Variants in TLN2 observed in about 807,000 individuals in gnomAD.
TLN2 encodes talin-2.
A neutral mutation model predicts 294.7 loss-of-function variants in TLN2; 118 were observed. The observed-to-expected ratio is 0.40, with a 90% CI of 0.34 to 0.47. The LOEUF is 0.47. Among genes scored for constraint, TLN2 ranks in the 20% least tolerant of loss-of-function variants. TLN2 has a pLI of 0.84. For missense variants in TLN2, 3,083 were observed against 3,282.2 expected (o/e 0.94, Z 1.48); for synonymous variants, 1,431 against 1,304.5 (o/e 1.10, Z -2.09).
chr15:62,465,564 G>T lies in TLN2; in HGVS notation c.-238+74879G>T, dbSNP rs74682346. On this transcript the variant is annotated intron_variant, in intron 1 of 58. Coordinates refer to ENST00000636159, the MANE Select transcript of TLN2 (RefSeq NM_015059.3). ...AGGGGTTTAGCCTCTCAGCTAAGTT[G>T]TTGTCTTCCATGGAGCTGTGTAAAC... 2.0e-5 allele frequency among the ~76,000 whole-genome samples: 3 copies of T among 152,206 alleles called. No individual in the cohort carries two copies. The South Asian group carries it at 6.2e-4, about 31-fold the overall frequency.
chr15:62,658,575 G>A (rs887822557), intron 9 of TLN2, among the ~76,000 whole-genome samples: 5 of 152,166 alleles, frequency 3.3e-5, no homozygotes, highest in Non-Finnish European at 7.3e-5. Flanking sequence ...ACAAGGTGAC[G>A]CCGTGTCCTG....
intron 41 of TLN2, among the ~76,000 whole-genome samples, chr15:62,768,358 C>CT (rs1393922634): frequency 6.6e-6 from 1 of 152,236 alleles, no homozygotes; most frequent in Non-Finnish European, 1.5e-5. Context: ...CACTCCTTGA[C>CT]TGTCGCGCTG....
At chr15:62,405,743 G>A (rs1448705636) in intron 1 of TLN2, among the ~76,000 whole-genome samples, 1 of 152,188 alleles carries the variant, frequency 6.6e-6, no homozygotes, top group Non-Finnish European at 1.5e-5. Context: ...GCTGGCCTGA[G>A]TGCTGCTCTG....
At chr15:62,570,762 A>G (rs1255572437) in intron 1 of TLN2, among the ~76,000 whole-genome samples, 1 of 152,240 alleles carries the variant, frequency 6.6e-6, no homozygotes, top group Non-Finnish European at 1.5e-5. Flanking sequence ...GGTGGATACC[A>G]AAAATTTCCC....
intron 45 of TLN2, among the ~76,000 whole-genome samples, chr15:62,785,775 C>CGACA (rs2141096084): frequency 6.6e-6 from 1 of 152,240 alleles, no homozygotes; most frequent in Admixed American, 6.5e-5. Flanking sequence ...TCTCCCTGAA[C>CGACA]TGTCTGTATA....
Position 62,650,087 on chromosome 15 carries a change from C to G in TLN2, c.140C>G (p.Ser47Cys). The change falls in exon 5 of 59, where the codon TCT becomes TGT. Residue 47 changes from serine (S) to cysteine (C), a missense_variant. Coordinates refer to ENST00000636159, the MANE Select transcript of TLN2 (RefSeq NM_015059.3). Reference protein sequence around the residue: ...RVPEAQTGQASDYGLFLSDED... With the variant: ...RVPEAQTGQACDYGLFLSDED... Reference sequence around the variant, plus strand: ...TTTCTTCCCATTTATATTTCAGCTTCTGACTATGGACTCTTTCTTTCGGAT... The same window carrying G: ...TTTCTTCCCATTTATATTTCAGCTTGTGACTATGGACTCTTTCTTTCGGAT... 6.2e-7 allele frequency: 1 copy of G among 1,614,060 alleles called. No homozygotes were observed. The highest frequency in any genetic ancestry group is 8.5e-7 in the Non-Finnish European group (1 of 1,179,960).
chr15:62,573,574 C>A (rs1404365744), intron 1 of TLN2, among the ~76,000 whole-genome samples: 8 of 152,096 alleles, frequency 5.3e-5, no homozygotes, highest in Non-Finnish European at 1.5e-5. Flanking sequence ...TCCCGTGGGG[C>A]CATGCACCCA....
chr15:62,471,802 G>C (rs2037490133), intron 1 of TLN2, among the ~76,000 whole-genome samples: 1 of 152,120 alleles, frequency 6.6e-6, no homozygotes, highest in African/African-American at 2.4e-5. Flanking sequence ...AAAGACACAA[G>C]ACAAATTCAG....
At position 62,770,946 on chromosome 15, in the gene TLN2, T is replaced by TG; in HGVS notation, c.5197-18_5197-17insG. The TG allele has an allele frequency of 1.3e-6, 2 of 1,510,116 alleles. No individual in the cohort carries two copies. The highest frequency in any genetic ancestry group is 1.8e-6 in the Non-Finnish European group (2 of 1,125,526). 93.5% of individuals were successfully genotyped at this position (1,510,116 alleles called of 1,614,324 possible). Reference sequence around the variant, plus strand: ...ATTTACATGATACATCTCTGGCTTTTTTTTTTTTTTTTGAAAGGTGACACA... The same window carrying TG: ...ATTTACATGATACATCTCTGGCTTTTGTTTTTTTTTTTTGAAAGGTGACACA... On this transcript the variant is annotated splice_polypyrimidine_tract_variant and intron_variant, in intron 41 of 58. Coordinates refer to ENST00000636159, the MANE Select transcript of TLN2 (RefSeq NM_015059.3).
At chr15:62,608,915 CGGACA>C (rs2047673969) in intron 2 of TLN2, among the ~76,000 whole-genome samples, 1 of 151,756 alleles carries the variant, frequency 6.6e-6, no homozygotes, top group Admixed American at 6.6e-5. Flanking sequence ...GTGCTGGGGC[CGGACA>C]GAAGTCAGAG....
At chr15:62,518,809 G>T (rs1206231959) in intron 1 of TLN2, among the ~76,000 whole-genome samples, 7 of 152,020 alleles carry the variant, frequency 4.6e-5, no homozygotes, top group Non-Finnish European at 1.0e-4. Flanking sequence ...TGTTGGCCTG[G>T]CTGGTCTCGA....
chr15:62,668,344 C>A (rs558936909), intron 9 of TLN2, among the ~76,000 whole-genome samples: 14 of 152,174 alleles, frequency 9.2e-5, no homozygotes, highest in African/African-American at 2.6e-4. Flanking sequence ...TGAATATATA[C>A]AATAAAATAA....
chr15:62,561,164 A>C (rs2042925683), intron 1 of TLN2, among the ~76,000 whole-genome samples: 1 of 152,232 alleles, frequency 6.6e-6, no homozygotes, highest in Admixed American at 6.5e-5. Flanking sequence ...GGCGGGAATA[A>C]TAGGACTTGC....
At chr15:62,511,924 T>G (rs146537878) in intron 1 of TLN2, among the ~76,000 whole-genome samples, 3 of 152,266 alleles carry the variant, frequency 2.0e-5, no homozygotes, top group Admixed American at 2.0e-4. Context: ...AACCCAGCAG[T>G]AACCCTGGTC....
At chr15:62,671,629 A>T (rs959769877) in intron 9 of TLN2, among the ~76,000 whole-genome samples, 2 of 152,208 alleles carry the variant, frequency 1.3e-5, no homozygotes, top group East Asian at 3.8e-4. Flanking sequence ...ATTCTATTCT[A>T]TTGACCTGTG....
intron 1 of TLN2, among the ~76,000 whole-genome samples, chr15:62,486,040 A>G (rs575669359): frequency 2.2e-4 from 34 of 152,354 alleles, no homozygotes; most frequent in Non-Finnish European, 4.7e-4. Context: ...AAGAATTTCT[A>G]TATAGCATTA....
intron 1 of TLN2, among the ~76,000 whole-genome samples, chr15:62,549,668 T>C (rs549240180): frequency 3.3e-5 from 5 of 152,308 alleles, no homozygotes; most frequent in South Asian, 2.1e-4. Flanking sequence ...ATACTGTATG[T>C]AGTGTGCTGT....
At chr15:62,664,238 A>T (rs2054259137) in intron 9 of TLN2, among the ~76,000 whole-genome samples, 1 of 151,946 alleles carries the variant, frequency 6.6e-6, no homozygotes. Context: ...AGAAAAAAAA[A>T]ATCTAAGAAA....
chr15:62,800,686 A>AG lies in TLN2; in HGVS notation c.6394_6395insG (p.Thr2132SerfsTer8). The AG allele has an allele frequency of 6.2e-7, 1 of 1,614,120 alleles. No individual in the cohort carries two copies. The highest frequency in any genetic ancestry group is 8.5e-7 in the Non-Finnish European group (1 of 1,180,010). On this transcript the variant is annotated frameshift_variant, in exon 50 of 59. Coordinates refer to ENST00000636159, the MANE Select transcript of TLN2 (RefSeq NM_015059.3). LOFTEE classifies it high-confidence loss of function. The stretch of plus-strand genomic sequence containing the variant: ...GACCAATGTCACCTCGCTCCTCAAG[A>AG]CTGTAAAGGCAGTGGAGGATGAGGC...
Sources: gnomAD v4.1 joint callset for allele counts (sites outside exome capture counted in the v4.1 genomes callset) on GRCh38, gnomAD v4.1.1 for gene constraint, MANE v1.5 for transcripts, NCBI Gene and HGNC (gene_info 2026-07-23, HGNC 2026-07-21) for gene names.